HOMER3: variants seen among roughly 807,000 people sequenced by gnomAD.
HOMER3 encodes homer protein homolog 3.
A neutral mutation model predicts 45.5 loss-of-function variants in HOMER3; 34 were observed. That is an observed-to-expected ratio of 0.75 (90% CI 0.57 to 1.00). The LOEUF is 1.00. HOMER3 is among the 50% of genes least tolerant of loss of function. The pLI is 0.00. For missense variants in HOMER3, 480 were observed against 497.5 expected (o/e 0.96, Z 0.33); for synonymous variants, 223 against 208.8 (o/e 1.07, Z -0.58).
rs1421178660 is a variant in HOMER3 at position 18,938,792 on chromosome 19, G to A, written c.107C>T (p.Thr36Ile). Residue 36 changes from threonine (T) to isoleucine (I), a missense_variant, in exon 3 of 10, where the codon ACT becomes ATT. Coordinates refer to ENST00000392351, the MANE Select transcript of HOMER3 (RefSeq NM_004838.4). ...GGTGGCATCGTAGAAATAGGAGACA[G>A]TGAGTGCGTGCTTGCCCGCTGGGAT... ...NWIPAGKHAL[T>I]VSYFYDATRN... 5 of 1,600,448 alleles carry A rather than the reference G, an allele frequency of 3.1e-6. No homozygotes were observed. The highest frequency in any genetic ancestry group is 4.3e-6 in the Non-Finnish European group (5 of 1,173,746).
chr19:18,937,648 G>C (rs1444368028), intron 4 of HOMER3, among the ~76,000 whole-genome samples: 7 of 149,796 alleles, frequency 4.7e-5, no homozygotes, highest in Admixed American at 4.0e-4. Context: ...CTCCAGCCTG[G>C]GGGACAGAGC....
At position 18,938,389 on chromosome 19, in the gene HOMER3, G is replaced by A. The variant is rs1064351; in HGVS notation, c.267C>T (p.Tyr89=). ...GCTGTTCAGAGGCAAAGCCCAGGCC[G>A]TAGACTGTGTTGGCGCGACTGTCGG... is the stretch of plus-strand genomic sequence containing the variant. ...QWADSRANTV[Y]GLGFASEQHL... Residue 89 remains tyrosine, a synonymous_variant, in exon 4 of 10, where the codon TAC becomes TAT. Transcript: ENST00000392351. 656,233 of 1,613,182 alleles carry A rather than the reference G, an allele frequency of 0.41. 138,899 individuals carry two copies. The highest frequency in any genetic ancestry group is 0.53 in the Admixed American group (31,729 of 59,958).
intron 5 of HOMER3, 72 bp from the exon 6 acceptor site, chr19:18,933,117 C>A: frequency 1.4e-6 from 2 of 1,403,014 alleles, no homozygotes; most frequent in South Asian, 1.8e-5. Flanking sequence ...CTGGGGTCGT[C>A]ACATCGGGGG....
At chr19:18,936,515 A>G (rs2057094773) in intron 4 of HOMER3, among the ~76,000 whole-genome samples, 1 of 151,948 alleles carries the variant, frequency 6.6e-6, no homozygotes, top group South Asian at 2.1e-4. Context: ...TTGTAAAAAT[A>G]CAAAAATTAG....
At chr19:18,938,522 G>C in intron 3 of HOMER3, 38 bp from the exon 4 acceptor site, 1 of 1,598,170 alleles carries the variant, frequency 6.3e-7, no homozygotes, top group Non-Finnish European at 8.6e-7. Flanking sequence ...AGATGGGACA[G>C]ATACTAACAA....
intron 4 of HOMER3, among the ~76,000 whole-genome samples, chr19:18,935,753 C>T (rs2057084903): frequency 6.6e-6 from 1 of 152,160 alleles, no homozygotes; most frequent in Admixed American, 6.5e-5. Flanking sequence ...GGTGCGGTGG[C>T]TCACACCTGT....
chr19:18,939,173 A>AC, intron 1 of HOMER3, 124 bp from the exon 2 acceptor site: 1 of 584,532 alleles, frequency 1.7e-6, no homozygotes, highest in Non-Finnish European at 3.0e-6. Context: ...AAGGCAGGAG[A>AC]GGCCCAAAGT....
intron 6 of HOMER3, among the ~76,000 whole-genome samples, chr19:18,932,458 T>G (rs1487546031): frequency 2.7e-5 from 4 of 148,728 alleles, no homozygotes; most frequent in Admixed American, 6.7e-5. Flanking sequence ...GGGCACGGAG[T>G]CAGGGCCACG....
In HOMER3 at chr19:18,938,709, A is replaced by AC; in HGVS notation, c.171+18dup. Reference sequence around the variant, plus strand: ...CCAGGACTCCTGGTGCCTCTGCCCCACCCAGACCCCACCCTGACCTTGGCG... The same window carrying AC: ...CCAGGACTCCTGGTGCCTCTGCCCCACCCCAGACCCCACCCTGACCTTGGCG... On this transcript the variant is annotated intron_variant, in intron 3 of 9. Transcript: ENST00000392351. 1 of 940,944 alleles carries AC rather than the reference A, an allele frequency of 1.1e-6. No individual in the cohort carries two copies. The allele number at this position is 940,944 out of a possible 1,614,324, so 58.3% of individuals were successfully genotyped here.
chr19:18,929,630 A>C lies in HOMER3; in HGVS notation c.899T>G (p.Leu300Arg). 3 of 1,470,874 alleles carry C rather than the reference A, an allele frequency of 2.0e-6. No individual in the cohort carries two copies. The highest frequency in any genetic ancestry group is 2.7e-6 in the Non-Finnish European group (3 of 1,095,208). The allele number at this position is 1,470,874 out of a possible 1,614,324, so 91.1% of individuals were successfully genotyped here. A position where few individuals can be genotyped will look rare whatever the true frequency, so the allele number is the denominator to read the frequency against. Reference sequence around the variant, plus strand: ...CTCCAACTCCGCATTGCGGGTCTCCAGGTCCTGCCAGGAAAGGGTGGGCAG... The same window carrying C: ...CTCCAACTCCGCATTGCGGGTCTCCCGGTCCTGCCAGGAAAGGGTGGGCAG... ...REETQQKVQD[L>R]ETRNAELEHQ... The change falls in exon 10 of 10, where the codon CTG (leucine) becomes CGG (arginine). Residue 300 changes from leucine to arginine, a missense_variant. Coordinates refer to ENST00000392351, the MANE Select transcript of HOMER3 (RefSeq NM_004838.4).
At chr19:18,932,885 A>AACCCCCCCCCCCCCCCC in intron 6 of HOMER3, 39 bp downstream of exon 6, 4 of 687,536 alleles carry the variant, frequency 5.8e-6, no homozygotes, top group Non-Finnish European at 6.4e-6. Flanking sequence ...CCCCACCCCT[A>AACCCCCCCCCCCCCCCC]CCCCCGCCCC....
chr19:18,929,740 T>C, intron 9 of HOMER3, 106 bp from the exon 10 acceptor site: 1 of 919,324 alleles, frequency 1.1e-6, no homozygotes, highest in Non-Finnish European at 1.6e-6. Context: ...CCCAGAGCCA[T>C]CCTAGGGCGC....
intron 4 of HOMER3, among the ~76,000 whole-genome samples, chr19:18,934,756 C>G (rs1171851728): frequency 6.6e-6 from 1 of 152,168 alleles, no homozygotes; most frequent in African/African-American, 2.4e-5. Flanking sequence ...GACCCTTCCA[C>G]CTTACCCCTC....
chr19:18,936,885 G>A (rs2057099184), intron 4 of HOMER3, among the ~76,000 whole-genome samples: 2 of 151,784 alleles, frequency 1.3e-5, no homozygotes, highest in Non-Finnish European at 2.9e-5. Context: ...CCAGCTACTA[G>A]GGAGGCTGAG....
intron 6 of HOMER3, 121 bp downstream of exon 6, chr19:18,932,803 C>T: frequency 1.3e-6 from 1 of 761,734 alleles, no homozygotes; most frequent in Non-Finnish European, 1.9e-6. Flanking sequence ...ATCCCCTTCC[C>T]CAGGTCTTGA....
chr19:18,931,083 A>G (rs2057026298), intron 9 of HOMER3, among the ~76,000 whole-genome samples: 1 of 152,212 alleles, frequency 6.6e-6, no homozygotes, highest in Admixed American at 6.5e-5. Flanking sequence ...CAGGCTGAGA[A>G]CAGGAGGAAT....
chr19:18,938,375 G>A lies in HOMER3; in HGVS notation c.281C>T (p.Ala94Val), dbSNP rs1171779692. ...CACCTGTGTCAGATGCTGTTCAGAG[G>A]CAAAGCCCAGGCCGTAGACTGTGTT... ...RANTVYGLGFASEQHLTQFAE... is the reference protein window; with the variant it reads ...RANTVYGLGFVSEQHLTQFAE... The change falls in exon 4 of 10, where the codon GCC (alanine) becomes GTC (valine). Residue 94 changes from alanine (A) to valine (V), a missense_variant. By Grantham distance (64) the Ala-to-Val change is moderately conservative. Coordinates refer to ENST00000392351, the MANE Select transcript of HOMER3 (RefSeq NM_004838.4). 1 of 1,612,504 alleles carries A rather than the reference G, an allele frequency of 6.2e-7. No individual in the cohort carries two copies. Among genetic ancestry groups the A allele is most frequent in the Non-Finnish European group, 8.5e-7 (1 of 1,178,642 alleles).
chr19:18,930,989 C>G (rs1039746608), intron 9 of HOMER3, among the ~76,000 whole-genome samples: 12 of 152,052 alleles, frequency 7.9e-5, no homozygotes, highest in African/African-American at 2.7e-4. Context: ...GCCTGGGCAA[C>G]AGAGCGAGAC....
chr19:18,930,881 G>A (rs950803180), intron 9 of HOMER3, among the ~76,000 whole-genome samples: 8 of 151,856 alleles, frequency 5.3e-5, no homozygotes, highest in Admixed American at 1.3e-4. Context: ...AGTGGCGGGC[G>A]CCTGTAATCC....
Sources: allele counts gnomAD v4.1 joint callset (sites outside exome capture counted in the v4.1 genomes callset), GRCh38; gene constraint gnomAD v4.1.1; transcripts MANE v1.5; gene names NCBI Gene and HGNC (gene_info 2026-07-23, HGNC 2026-07-21).